Variants in APAF1 observed in about 807,000 individuals in gnomAD.
APAF1 encodes the protein apoptotic peptidase activating factor 1, also known as apoptotic protease-activating factor 1.
APAF1 carries 91 observed loss-of-function variants against 152.4 expected under a neutral mutation model. The observed-to-expected ratio is 0.60, with a 90% confidence interval of 0.50 to 0.71. APAF1 has a LOEUF of 0.71. Ranked by LOEUF, APAF1 falls within the 30% of genes least tolerant of loss-of-function variation. APAF1 has a pLI of 0.00. For missense variants in APAF1, 1,283 were observed against 1,472.0 expected (o/e 0.87, Z 2.10); for synonymous variants, 484 against 494.1 (o/e 0.98, Z 0.27).
chr12:98,672,507 G>A (rs1411437466), intron 12 of APAF1, among the ~76,000 whole-genome samples: 4 of 151,530 alleles, frequency 2.6e-5, no homozygotes, highest in Non-Finnish European at 5.9e-5. Context: ...AAAGTAATTT[G>A]CACTTTCCTT....
Position 98,733,440 on chromosome 12 carries a change from C to G in APAF1, c.*874C>G, listed in dbSNP as rs1565903315. 2 of 149,710 alleles carry G rather than the reference C, an allele frequency of 1.3e-5. No homozygotes were observed. Among genetic ancestry groups the G allele is most frequent in the Admixed American group, 6.7e-5 (1 of 14,892 alleles). The allele number at this position is 149,710 out of a possible 1,614,324, so 9.3% of individuals were successfully genotyped here. A position where few individuals can be genotyped will look rare whatever the true frequency, so the allele number is the denominator to read the frequency against. ...GCCACCGTGCCTGGCCAGGCCCCTT[C>G]TCTTTTAATGGAGACAGGGTCTTGC... is the stretch of plus-strand genomic sequence containing the variant. On this transcript the variant is annotated 3_prime_UTR_variant, in exon 27 of 27. Coordinates refer to ENST00000551964, the MANE Select transcript of APAF1 (RefSeq NM_181861.2).
Position 98,666,182 on chromosome 12 carries a change from A to G in APAF1, c.1195-8A>G. The G allele has an allele frequency of 1.2e-6, 2 of 1,613,220 alleles. No individual in the cohort carries two copies. Among genetic ancestry groups the G allele is most frequent in the Non-Finnish European group, 1.7e-6 (2 of 1,179,258 alleles). ...TGTGGCATATTAAATACTTACAACA[A>G]TTCCTAGGTGTTATGTATTCTCTGG... is the stretch of plus-strand genomic sequence containing the variant. On this transcript the variant is annotated splice_region_variant and splice_polypyrimidine_tract_variant and intron_variant, in intron 8 of 26. Transcript: ENST00000551964.
Position 98,648,372 on chromosome 12 carries a change from G to A in APAF1, c.13G>A (p.Ala5Thr). ...GATCTGAGGGAAGATGGATGCAAAA[G>A]CTCGAAATTGTTTGCTTCAACATAG... MDAKARNCLLQHREA... is the reference protein window; with the variant it reads MDAKTRNCLLQHREA... The change falls in exon 2 of 27, where the codon GCT becomes ACT. Residue 5 changes from alanine to threonine, a missense_variant. Physicochemically the swap from Ala to Thr is moderately conservative, Grantham distance 58. Coordinates refer to ENST00000551964, the MANE Select transcript of APAF1 (RefSeq NM_181861.2). 6.2e-7 allele frequency: 1 copy of A among 1,614,106 alleles called. No homozygotes were observed. The highest frequency in any genetic ancestry group is 2.2e-5 in the East Asian group (1 of 44,860).
At position 98,671,243 on chromosome 12, in the gene APAF1, C is replaced by G. The variant is rs78224597; in HGVS notation, c.1608+157C>G. On this transcript the variant is annotated intron_variant, in intron 11 of 26. Coordinates refer to ENST00000551964, the MANE Select transcript of APAF1 (RefSeq NM_181861.2). ...TATTCTAATTAATTTGCTTCCTACC[C>G]TACTGGGAAAGTAGGTAGGATTGAA... 6.5e-3 allele frequency among the ~76,000 whole-genome samples: 992 copies of G among 151,950 alleles called. 12 individuals carry two copies. Among genetic ancestry groups the G allele is most frequent in the African/African-American group, 0.023 (933 of 41,424 alleles).
intron 16 of APAF1, among the ~76,000 whole-genome samples, chr12:98,691,725 T>G (rs898405795): frequency 6.6e-6 from 1 of 152,158 alleles, no homozygotes; most frequent in Non-Finnish European, 1.5e-5. Context: ...TTTTTTTGTT[T>G]TTTTGTGTTT....
intron 16 of APAF1, among the ~76,000 whole-genome samples, chr12:98,696,874 T>C (rs1238720058): frequency 6.6e-6 from 1 of 152,198 alleles, no homozygotes; most frequent in Non-Finnish European, 1.5e-5. Flanking sequence ...GGTATTTGGA[T>C]TTTAAACCCT....
intron 22 of APAF1, among the ~76,000 whole-genome samples, chr12:98,719,832 AATT>A (rs1321624230): frequency 3.9e-5 from 6 of 152,136 alleles, no homozygotes; most frequent in African/African-American, 1.4e-4. Context: ...GTTCAGTGGA[AATT>A]ATTATATTCT....
intron 4 of APAF1, among the ~76,000 whole-genome samples, chr12:98,654,289 T>C (rs879327392): frequency 7.2e-5 from 11 of 152,196 alleles, no homozygotes; most frequent in Admixed American, 3.9e-4. Flanking sequence ...TTTTTAGTTA[T>C]ACATTTAGGG....
intron 26 of APAF1, among the ~76,000 whole-genome samples, chr12:98,727,998 TAAAA>T (rs1378462165): frequency 7.0e-6 from 1 of 143,806 alleles, no homozygotes; most frequent in South Asian, 2.2e-4. Flanking sequence ...AAAAAATAAA[TAAAA>T]AGGAAAAGAA....
chr12:98,725,441 A>G lies in APAF1; in HGVS notation c.3357A>G (p.Pro1119=), dbSNP rs1446599114. 5.0e-6 allele frequency: 8 copies of G among 1,614,048 alleles called. No individual in the cohort carries two copies. The highest frequency in any genetic ancestry group is 5.9e-6 in the Non-Finnish European group (7 of 1,179,996). The stretch of plus-strand genomic sequence containing the variant: ...TCTGGAGTTTTGATCTCCTTTTGCC[A>G]CTTCATGAATTGAGGGGCCACAACG... ...AKIWSFDLLL[P]LHELRGHNGC... is the part of the protein sequence containing the mutation. Residue 1119 remains proline, a synonymous_variant, in exon 25 of 27, where the codon CCA becomes CCG. Transcript: ENST00000551964.
intron 1 of APAF1, among the ~76,000 whole-genome samples, chr12:98,646,831 A>G (rs2097641363): frequency 1.3e-5 from 2 of 152,222 alleles, no homozygotes; most frequent in Non-Finnish European, 2.9e-5. Flanking sequence ...GTATTTTACT[A>G]TAAAGGCTGT....
rs189656929 is a variant in APAF1 at position 98,707,506 on chromosome 12, A to G, written c.2721+896A>G. Among the ~76,000 whole-genome samples, 164 of 152,164 alleles carry G rather than the reference A, an allele frequency of 1.1e-3. 1 individual carries two copies. Among genetic ancestry groups the G allele is most frequent in the Admixed American group, 2.5e-3 (38 of 15,284 alleles). On this transcript the variant is annotated intron_variant, in intron 19 of 26. Transcript: ENST00000551964. ...CAAATTTTGACTTGAATTTAAATACAGATATGATTTACTCCTTATTTCCAA... is the reference window on the plus strand; with the variant it reads ...CAAATTTTGACTTGAATTTAAATACGGATATGATTTACTCCTTATTTCCAA...
chr12:98,731,853 T>TA (rs1388039765), intron 26 of APAF1, among the ~76,000 whole-genome samples: 1 of 152,246 alleles, frequency 6.6e-6, no homozygotes, highest in Non-Finnish European at 1.5e-5. Context: ...CAGCCCTTGC[T>TA]ACGTTTGAGA....
chr12:98,710,548 T>C (rs2097726841), intron 20 of APAF1, among the ~76,000 whole-genome samples: 1 of 152,118 alleles, frequency 6.6e-6, no homozygotes, highest in African/African-American at 2.4e-5. Context: ...TTGAGACAGA[T>C]GGACAGAGGG....
intron 4 of APAF1, 108 bp downstream of exon 4, chr12:98,649,792 C>A: frequency 9.3e-7 from 1 of 1,074,880 alleles, no homozygotes; most frequent in Non-Finnish European, 1.4e-6. Flanking sequence ...GTATAAGGTA[C>A]AGAGTTAGAA....
chr12:98,723,690 G>A lies in APAF1; in HGVS notation c.3256G>A (p.Gly1086Ser). ...AGAAAAAGACTTTGTCTGTCACCAG[G>A]GTACAGTACTTTCTTGTGACATTTC... ...NKEKDFVCHQ[G>S]TVLSCDISHD... The change falls in exon 24 of 27, where the codon GGT becomes AGT. Residue 1086 changes from glycine (G) to serine (S), a missense_variant. Coordinates refer to ENST00000551964, the MANE Select transcript of APAF1 (RefSeq NM_181861.2). The A allele has an allele frequency of 6.2e-7, 1 of 1,610,386 alleles. No individual in the cohort carries two copies. The highest frequency in any genetic ancestry group is 8.5e-7 in the Non-Finnish European group (1 of 1,177,334).
intron 16 of APAF1, among the ~76,000 whole-genome samples, chr12:98,692,548 C>A (rs2097705480): frequency 6.6e-6 from 1 of 152,174 alleles, no homozygotes; most frequent in Non-Finnish European, 1.5e-5. Context: ...TCATTCCCCC[C>A]TCCCCAACTC....
chr12:98,722,462 ATAAAGCTC>A (rs1259099376), intron 22 of APAF1, among the ~76,000 whole-genome samples: 1 of 152,228 alleles, frequency 6.6e-6, no homozygotes. Context: ...TCAAGTATTA[ATAAAGCTC>A]TAAATACAGT....
chr12:98,673,527 G>A (rs2097683123), intron 12 of APAF1, among the ~76,000 whole-genome samples: 1 of 151,650 alleles, frequency 6.6e-6, no homozygotes, highest in South Asian at 2.1e-4. Context: ...TTCCCTTACA[G>A]CTTGAAATAA....
Sources: allele counts gnomAD v4.1 joint callset (sites outside exome capture counted in the v4.1 genomes callset), GRCh38; gene constraint gnomAD v4.1.1; transcripts MANE v1.5; gene names NCBI Gene and HGNC (gene_info 2026-07-23, HGNC 2026-07-21).